Variants in ARHGAP23 observed in about 807,000 individuals in gnomAD.
ARHGAP23 encodes the protein rho GTPase-activating protein 23.
Under a neutral mutation model 136.3 loss-of-function variants are expected in ARHGAP23, and 34 were observed. The ratio of observed to expected loss-of-function variants is 0.25; its 90% CI spans 0.19 to 0.33. ARHGAP23 has a LOEUF of 0.33. Ranked by LOEUF, ARHGAP23 falls within the 10% of genes least tolerant of loss-of-function variation. The pLI is 1.00. For synonymous variants in ARHGAP23, 832 were observed against 920.5 expected, an observed-to-expected ratio of 0.90 and a Z score of 1.74; for missense variants, 1,808 against 2,139.0, an observed-to-expected ratio of 0.85 and a Z score of 3.05.
At chr17:38,424,706 C>T (rs531515522), upstream of ARHGAP23, among the ~76,000 whole-genome samples, 6 of 152,296 alleles carry the variant, frequency 3.9e-5, no homozygotes, top group East Asian at 1.9e-4. Context: ...TCACAGCCTG[C>T]GGGTTAAGTG....
intron 23 of ARHGAP23, among the ~76,000 whole-genome samples, chr17:38,506,323 C>A (rs953428393): frequency 1.3e-5 from 2 of 152,208 alleles, no homozygotes; most frequent in Non-Finnish European, 2.9e-5. Context: ...CCAGGTCTCA[C>A]AACCAGCAAG....
chr17:38,481,828 C>G (rs988536033), intron 14 of ARHGAP23, among the ~76,000 whole-genome samples, 194 bp from the exon 15 acceptor site: 2 of 152,212 alleles, frequency 1.3e-5, no homozygotes, highest in African/African-American at 4.8e-5. Flanking sequence ...TTGCATTGCT[C>G]TGGGCCTCTC....
intron 1 of ARHGAP23, among the ~76,000 whole-genome samples, chr17:38,448,524 C>T (rs1473358356): frequency 1.3e-5 from 2 of 152,048 alleles, no homozygotes; most frequent in East Asian, 3.8e-4. Flanking sequence ...TTAAGTAACT[C>T]ACCCAAAGTC....
chr17:38,426,407 AG>A (rs1376148772), upstream of ARHGAP23, among the ~76,000 whole-genome samples: 1 of 151,962 alleles, frequency 6.6e-6, no homozygotes, highest in Non-Finnish European at 1.5e-5. Flanking sequence ...AAAATTAGCC[AG>A]GTGTGGTGGT....
intron 23 of ARHGAP23, among the ~76,000 whole-genome samples, chr17:38,507,605 G>A (rs2040663333): frequency 6.6e-6 from 1 of 152,198 alleles, no homozygotes; most frequent in Non-Finnish European, 1.5e-5. Context: ...GGATGAGAGG[G>A]TAGTTTGATC....
intron 1 of ARHGAP23, among the ~76,000 whole-genome samples, chr17:38,443,363 A>G (rs2038961044): frequency 3.3e-5 from 5 of 152,196 alleles, no homozygotes; most frequent in Admixed American, 3.3e-4. Flanking sequence ...GGGCATAGTA[A>G]GCACTCAGCA....
Position 38,477,526 on chromosome 17 carries a change from C to T in ARHGAP23, c.2119-53C>T. ...TGTCTGCTACTCTGAGAGCAGTGGG[C>T]AAAACTGGCCTCTCACCATTCCTGT... On this transcript the variant is annotated intron_variant, in intron 11 of 23. Transcript: ENST00000622683. The surrounding 1 kb of genome is among the most constrained non-coding windows in gnomAD (Gnocchi z 6.6). 8.3e-7 allele frequency: 1 copy of T among 1,207,088 alleles called. No individual in the cohort carries two copies. Among genetic ancestry groups the T allele is most frequent in the Non-Finnish European group, 1.0e-6 (1 of 966,810 alleles). 74.8% of individuals were successfully genotyped at this position (1,207,088 alleles called of 1,614,324 possible).
intron 1 of ARHGAP23, among the ~76,000 whole-genome samples, chr17:38,420,442 C>G (rs2038509304): frequency 6.6e-6 from 1 of 152,220 alleles, no homozygotes; most frequent in Non-Finnish European, 1.5e-5. Flanking sequence ...TGGGGCTGTT[C>G]TGCCTAAAGC....
chr17:38,466,993 C>A lies in ARHGAP23; in HGVS notation c.1310C>A (p.Ser437Tyr). 1.3e-6 allele frequency: 2 copies of A among 1,550,706 alleles called. No individual in the cohort carries two copies. Among genetic ancestry groups the A allele is most frequent in the African/African-American group, 1.4e-5 (1 of 73,190 alleles). ...QRRTGLLHAL[S>Y]FRDSPFGGLP... ...CGGACCGGCCTCCTCCATGCGCTCT[C>A]CTTCCGGGACTCACCCTTTGGGGGG... is the stretch of plus-strand genomic sequence containing the variant. Residue 437 changes from serine to tyrosine, a missense_variant, in exon 7 of 24, where the codon TCC (serine) becomes TAC (tyrosine). Transcript: ENST00000622683.
intron 5 of ARHGAP23, 38 bp downstream of exon 5, chr17:38,463,234 C>A: frequency 6.4e-7 from 1 of 1,550,700 alleles, no homozygotes; most frequent in South Asian, 1.2e-5. Context: ...ATTATCTCCC[C>A]TCCCCTTTGC....
intron 1 of ARHGAP23, among the ~76,000 whole-genome samples, chr17:38,435,891 G>A (rs1395567726): frequency 6.6e-6 from 1 of 152,322 alleles, no homozygotes; most frequent in East Asian, 1.9e-4. Context: ...GTGAGCCACC[G>A]TGCCTGGCCT....
chr17:38,486,844 C>T lies in ARHGAP23; in HGVS notation c.2986+704C>T, dbSNP rs145288961. ...TTCCACCCCAGGCGTCGGGCACCGA[C>T]GGGCTTTGGCCGTTTGCTGAACTGC... is the stretch of plus-strand genomic sequence containing the variant. On this transcript the variant is annotated intron_variant, in intron 17 of 23. Transcript: ENST00000622683. 5.2e-3 allele frequency among the ~76,000 whole-genome samples: 791 copies of T among 152,362 alleles called. 7 individuals are homozygous for T. Among genetic ancestry groups the T allele is most frequent in the African/African-American group, 0.018 (752 of 41,594 alleles).
rs1359813912 is a variant in ARHGAP23, at chr17:38,490,112, C to T, written c.2997C>T (p.Asn999=). 5.8e-6 allele frequency: 9 copies of T among 1,551,598 alleles called. No individual in the cohort carries two copies. In the East Asian group the frequency reaches 9.8e-5, roughly 17 times the overall value. The change falls in exon 18 of 24, where the codon AAC becomes AAT. Residue 999 remains asparagine, a synonymous_variant. Transcript: ENST00000622683. ...PEPLFTDDKY[N]DFIEANRIED... is the part of the protein sequence containing the mutation. ...TCCGCTGTGTTCTAGACAAATACAACGACTTCATCGAGGCCAACCGCATTG... is the reference window on the plus strand; with the variant it reads ...TCCGCTGTGTTCTAGACAAATACAATGACTTCATCGAGGCCAACCGCATTG...
At position 38,510,821 on chromosome 17, in the gene ARHGAP23, A is replaced by T; in HGVS notation, c.4325A>T (p.Asn1442Ile). The T allele has an allele frequency of 6.6e-7, 1 of 1,508,534 alleles. No individual in the cohort carries two copies. Among genetic ancestry groups the T allele is most frequent in the Non-Finnish European group, 8.8e-7 (1 of 1,132,696 alleles). The allele number at this position is 1,508,534 out of a possible 1,614,324, so 93.4% of individuals were successfully genotyped here. A position where few individuals can be genotyped will look rare whatever the true frequency, so the allele number is the denominator to read the frequency against. ...GCGGGCGCGCGGGCGCACAGTGACA[A>T]CAAGGACTCCGGACTCAGCAGCCTG... ...EPAGARAHSD[N>I]KDSGLSSLES... is the part of the protein sequence containing the mutation. The change falls in exon 24 of 24, where the codon AAC (asparagine) becomes ATC (isoleucine). Residue 1442 changes from asparagine to isoleucine, a missense_variant. Coordinates refer to ENST00000622683, the MANE Select transcript of ARHGAP23 (RefSeq NM_001199417.2). This position sits in a 1 kb window ranked among gnomAD's most constrained non-coding sequence, Gnocchi z 4.6.
chr17:38,435,879 G>T (rs1272430463), intron 1 of ARHGAP23, among the ~76,000 whole-genome samples: 1 of 152,216 alleles, frequency 6.6e-6, no homozygotes, highest in Non-Finnish European at 1.5e-5. Context: ...GGGATTACAG[G>T]CGTGAGCCAC....
At chr17:38,446,118 C>T (rs766970390) in intron 1 of ARHGAP23, among the ~76,000 whole-genome samples, 3 of 150,794 alleles carry the variant, frequency 2.0e-5, no homozygotes, top group Admixed American at 6.6e-5. Context: ...GTGCTCAAGC[C>T]ATCCTCCCAC....
At chr17:38,423,588 G>A (rs559730066), upstream of ARHGAP23, among the ~76,000 whole-genome samples, 3 of 152,170 alleles carry the variant, frequency 2.0e-5, no homozygotes, top group South Asian at 4.1e-4. Flanking sequence ...GGCCAGGCTG[G>A]TCTCGAACTC....
At chr17:38,427,051 A>G (rs2038580498), upstream of ARHGAP23, among the ~76,000 whole-genome samples, 1 of 152,238 alleles carries the variant, frequency 6.6e-6, no homozygotes, top group African/African-American at 2.4e-5. Context: ...GAAAAGGAAT[A>G]TGGAAGCCCC....
chr17:38,488,358 G>T (rs1423952444), intron 17 of ARHGAP23, among the ~76,000 whole-genome samples: 2 of 151,888 alleles, frequency 1.3e-5, no homozygotes, highest in Non-Finnish European at 2.9e-5. Flanking sequence ...CTCTGTAATT[G>T]CTCGATCAGA....
Sources: allele counts gnomAD v4.1 joint callset (sites outside exome capture counted in the v4.1 genomes callset), GRCh38; gene constraint gnomAD v4.1.1; non-coding constraint Gnocchi (gnomAD v3.1); transcripts MANE v1.5; gene names NCBI Gene and HGNC (gene_info 2026-07-23, HGNC 2026-07-21).